ARHGEF26: variants seen among roughly 807,000 people sequenced by gnomAD.
The protein encoded by ARHGEF26 is Rho guanine nucleotide exchange factor 26.
Under a neutral mutation model 89.4 loss-of-function variants are expected in ARHGEF26, and 59 were observed. That is an observed-to-expected ratio of 0.66 (90% CI 0.54 to 0.82). The LOEUF (loss-of-function observed/expected upper bound fraction) is 0.82. Among genes scored for constraint, ARHGEF26 ranks in the 40% least tolerant of loss-of-function variants. The pLI is 0.00. For missense variants in ARHGEF26, 1,234 were observed against 1,085.6 expected (o/e 1.14, Z -1.92); for synonymous variants, 500 against 428.4 (o/e 1.17, Z -2.06).
At chr3:154,245,585 G>A (rs1002450697) in intron 12 of ARHGEF26, among the ~76,000 whole-genome samples, 9 of 152,106 alleles carry the variant, frequency 5.9e-5, no homozygotes, top group Non-Finnish European at 7.4e-5. Context: ...CTGCTGAGGA[G>A]CCTCTCAGTA....
Position 154,256,956 on chromosome 3 carries a change from A to T in ARHGEF26, c.*1483A>T. The T allele has an allele frequency of 6.5e-7, 1 of 1,532,966 alleles. No homozygotes were observed. The highest frequency in any genetic ancestry group is 8.7e-7 in the Non-Finnish European group (1 of 1,145,804). The allele number at this position is 1,532,966 out of a possible 1,614,324, so 95.0% of individuals were successfully genotyped here. A position where few individuals can be genotyped will look rare whatever the true frequency, so the allele number is the denominator to read the frequency against. ...GAGGGGGGAAATGATTTTTACTGGCAGCTATATTCCCTCTCTGTTCTATTT... is the reference window on the plus strand; with the variant it reads ...GAGGGGGGAAATGATTTTTACTGGCTGCTATATTCCCTCTCTGTTCTATTT... On this transcript the variant is annotated 3_prime_UTR_variant, in exon 15 of 15. Coordinates refer to ENST00000465093, the MANE Select transcript of ARHGEF26 (RefSeq NM_015595.4).
Position 154,240,424 on chromosome 3 carries a change from A to C in ARHGEF26, c.2145A>C (p.Glu715Asp), listed in dbSNP as rs780783816. ...CCTTAAGAGATCAGCTATTGGTGGAATCTTGTGACAATGAAGAGCTTAATT... is the reference window on the plus strand; with the variant it reads ...CCTTAAGAGATCAGCTATTGGTGGACTCTTGTGACAATGAAGAGCTTAATT... ...DYSLRDQLLV[E>D]SCDNEELNSS... The change falls in exon 12 of 15, where the codon GAA becomes GAC. Residue 715 changes from glutamate (E) to aspartate (D), a missense_variant. By Grantham distance (45) the Glu-to-Asp change is conservative. Transcript: ENST00000465093. 5 of 1,613,710 alleles carry C rather than the reference A, an allele frequency of 3.1e-6. No homozygotes were observed. Among genetic ancestry groups the C allele is most frequent in the Non-Finnish European group, 4.2e-6 (5 of 1,179,750 alleles).
intron 7 of ARHGEF26, among the ~76,000 whole-genome samples, chr3:154,188,235 A>G (rs907323819): frequency 4.6e-5 from 7 of 152,196 alleles, no homozygotes; most frequent in African/African-American, 1.7e-4. Context: ...AGTTTTCTCT[A>G]CTATTCTGAT....
At chr3:154,150,359 C>T (rs1285078933) in intron 5 of ARHGEF26, among the ~76,000 whole-genome samples, 1 of 151,974 alleles carries the variant, frequency 6.6e-6, no homozygotes, top group Non-Finnish European at 1.5e-5. Context: ...TGTCCTATTC[C>T]TTTCCTCCCC....
chr3:154,170,629 G>A (rs925364417), intron 6 of ARHGEF26, among the ~76,000 whole-genome samples: 10 of 152,168 alleles, frequency 6.6e-5, no homozygotes, highest in African/African-American at 2.2e-4. Context: ...CAGCAGTCAT[G>A]TGTGTAAAAT....
chr3:154,234,479 T>C (rs1025816885), intron 11 of ARHGEF26, among the ~76,000 whole-genome samples: 1 of 152,234 alleles, frequency 6.6e-6, no homozygotes, highest in Admixed American at 6.5e-5. Context: ...ACTCTTTATG[T>C]ACCCAGAGCT....
intron 10 of ARHGEF26, among the ~76,000 whole-genome samples, chr3:154,221,164 A>G (rs1716102975): frequency 6.6e-6 from 1 of 151,862 alleles, no homozygotes; most frequent in South Asian, 2.1e-4. Flanking sequence ...AAAAACCACT[A>G]GAAAGTTGCA....
intron 4 of ARHGEF26, among the ~76,000 whole-genome samples, chr3:154,146,328 G>T (rs1719706290): frequency 6.6e-6 from 1 of 152,140 alleles, no homozygotes; most frequent in South Asian, 2.1e-4. Context: ...ATCACCTTGG[G>T]GGTTAGGATT....
intron 12 of ARHGEF26, among the ~76,000 whole-genome samples, chr3:154,241,888 T>TG (rs1296801337): frequency 6.6e-6 from 1 of 152,250 alleles, no homozygotes; most frequent in Non-Finnish European, 1.5e-5. Flanking sequence ...GGGATATTCT[T>TG]GCCAAATTGA....
intron 9 of ARHGEF26, 41 bp downstream of exon 9, chr3:154,194,759 A>G (rs1021718846): frequency 6.5e-7 from 1 of 1,534,928 alleles, no homozygotes; most frequent in African/African-American, 1.4e-5. Context: ...ACAGGAAACC[A>G]TTCAGTTAGC....
intron 9 of ARHGEF26, among the ~76,000 whole-genome samples, chr3:154,204,717 G>A: frequency 6.6e-6 from 1 of 152,028 alleles, no homozygotes; most frequent in East Asian, 1.9e-4. Flanking sequence ...TTGATATGTT[G>A]TGTTTCCATT....
At chr3:154,200,606 ATTTTG>A (rs1359258456) in intron 9 of ARHGEF26, among the ~76,000 whole-genome samples, 5 of 151,902 alleles carry the variant, frequency 3.3e-5, no homozygotes, top group African/African-American at 4.8e-5. Flanking sequence ...TGTCATTGGT[ATTTTG>A]TTAGGATTTA....
At chr3:154,205,136 A>G (rs1178261210) in intron 9 of ARHGEF26, among the ~76,000 whole-genome samples, 1 of 152,102 alleles carries the variant, frequency 6.6e-6, no homozygotes, top group African/African-American at 2.4e-5. Flanking sequence ...ACTATGGTGT[A>G]TCTCTTTCTT....
chr3:154,178,978 C>G (rs1397063242), intron 6 of ARHGEF26, among the ~76,000 whole-genome samples: 1 of 152,108 alleles, frequency 6.6e-6, no homozygotes, highest in Non-Finnish European at 1.5e-5. Context: ...TTGAAACTCT[C>G]TAATAGGGCA....
At chr3:154,249,081 A>G (rs1222775529) in intron 12 of ARHGEF26, among the ~76,000 whole-genome samples, 1 of 152,238 alleles carries the variant, frequency 6.6e-6, no homozygotes, top group Non-Finnish European at 1.5e-5. Flanking sequence ...TAACTGGTCA[A>G]ATGCCACTTT....
chr3:154,251,908 G>A, intron 12 of ARHGEF26, among the ~76,000 whole-genome samples: 1 of 152,196 alleles, frequency 6.6e-6, no homozygotes, highest in Non-Finnish European at 1.5e-5. Flanking sequence ...ACACAGAGCT[G>A]TACACGCTTA....
intron 4 of ARHGEF26, among the ~76,000 whole-genome samples, chr3:154,142,201 G>C (rs1248610335): frequency 6.6e-6 from 1 of 151,932 alleles, no homozygotes; most frequent in Non-Finnish European, 1.5e-5. Flanking sequence ...GGTGTAAATT[G>C]CTTGAATAAA....
At chr3:154,131,957 T>C (rs1718704807) in intron 4 of ARHGEF26, among the ~76,000 whole-genome samples, 1 of 152,236 alleles carries the variant, frequency 6.6e-6, no homozygotes, top group Non-Finnish European at 1.5e-5. Context: ...ATTGATATCA[T>C]AGAACTATCT....
intron 9 of ARHGEF26, among the ~76,000 whole-genome samples, chr3:154,211,865 A>ATGTGTG (rs1176488068): frequency 1.1e-3 from 61 of 57,416 alleles, no homozygotes; most frequent in South Asian, 2.4e-3. Flanking sequence ...GTGTATATAT[A>ATGTGTG]TATGTGTGTG....
Sources: allele counts gnomAD v4.1 joint callset (sites outside exome capture counted in the v4.1 genomes callset), GRCh38; gene constraint gnomAD v4.1.1; transcripts MANE v1.5; gene names NCBI Gene and HGNC (gene_info 2026-07-23, HGNC 2026-07-21).